Variants in EPB41L3 observed in about 807,000 individuals in gnomAD.
EPB41L3 encodes the protein band 4.1-like protein 3.
Under a neutral mutation model 127.1 loss-of-function variants are expected in EPB41L3, and 57 were observed. The ratio of observed to expected loss-of-function variants is 0.45; its 90% confidence interval spans 0.36 to 0.56. EPB41L3 has a LOEUF of 0.56. EPB41L3 is among the 20% of genes least tolerant of loss of function. EPB41L3 has a pLI of 0.00. For missense variants in EPB41L3, 1,273 were observed against 1,372.2 expected (o/e 0.93, Z 1.14); for synonymous variants, 572 against 549.5 (o/e 1.04, Z -0.57).
intron 9 of EPB41L3, 30 bp from the exon 10 acceptor site, chr18:5,424,389 A>C: frequency 6.6e-7 from 1 of 1,523,418 alleles, no homozygotes. Flanking sequence ...TTGAAGAGTA[A>C]AGTTTAAAAT....
chr18:5,496,029 T>A (rs1311689051), intron 1 of EPB41L3, among the ~76,000 whole-genome samples: 1 of 152,208 alleles, frequency 6.6e-6, no homozygotes, highest in Non-Finnish European at 1.5e-5. Flanking sequence ...AAGGCTTCAT[T>A]AACTATTTGA....
intron 3 of EPB41L3, among the ~76,000 whole-genome samples, chr18:5,566,966 C>G (rs751028606): frequency 6.6e-5 from 10 of 151,952 alleles, no homozygotes; most frequent in African/African-American, 9.7e-5. Context: ...CTACCACTCA[C>G]GGTTAATTTG....
chr18:5,573,537 T>C (rs1193951793), intron 3 of EPB41L3, among the ~76,000 whole-genome samples: 1 of 152,200 alleles, frequency 6.6e-6, no homozygotes, highest in Non-Finnish European at 1.5e-5. Context: ...AGCTAACATT[T>C]ACTCATATAT....
intron 5 of EPB41L3, among the ~76,000 whole-genome samples, chr18:5,440,158 G>C (rs138644181): frequency 6.6e-6 from 1 of 152,250 alleles, no homozygotes; most frequent in African/African-American, 2.4e-5. Flanking sequence ...GTATGGCCTA[G>C]GAATCGATGG....
At chr18:5,460,348 A>G (rs909842403) in intron 3 of EPB41L3, among the ~76,000 whole-genome samples, 7 of 152,090 alleles carry the variant, frequency 4.6e-5, no homozygotes, top group African/African-American at 1.7e-4. Context: ...TACTCCCACC[A>G]TCTAAACTTG....
intron 3 of EPB41L3, among the ~76,000 whole-genome samples, chr18:5,572,244 T>C (rs555196677): frequency 6.6e-6 from 1 of 152,344 alleles, no homozygotes; most frequent in East Asian, 1.9e-4. Context: ...TTCACGTTCA[T>C]GTTTTCCTCT....
At chr18:5,474,299 G>A (rs2086739678) in intron 3 of EPB41L3, among the ~76,000 whole-genome samples, 1 of 152,166 alleles carries the variant, frequency 6.6e-6, no homozygotes, top group Non-Finnish European at 1.5e-5. Context: ...ACTGCTAGAA[G>A]GAAGTTAGAG....
intron 13 of EPB41L3, among the ~76,000 whole-genome samples, chr18:5,415,071 T>C (rs1180089288): frequency 6.6e-6 from 1 of 152,232 alleles, no homozygotes; most frequent in Non-Finnish European, 1.5e-5. Flanking sequence ...GCATTGGCAT[T>C]GCTAGCATGG....
chr18:5,556,238 C>A (rs184459651), intron 3 of EPB41L3, among the ~76,000 whole-genome samples: 57 of 152,280 alleles, frequency 3.7e-4, no homozygotes, highest in African/African-American at 1.3e-3. Context: ...CTGCTAGATA[C>A]AAAGGAAAAA....
chr18:5,581,568 A>G (rs2094393909), intron 3 of EPB41L3, among the ~76,000 whole-genome samples: 1 of 152,232 alleles, frequency 6.6e-6, no homozygotes, highest in South Asian at 2.1e-4. Context: ...CTCAACATAT[A>G]AGAACCAAAT....
upstream of EPB41L3, among the ~76,000 whole-genome samples, chr18:5,546,224 A>AT (rs1422215116): frequency 6.6e-6 from 1 of 152,142 alleles, no homozygotes; most frequent in African/African-American, 2.4e-5. Flanking sequence ...ACAACTAAGT[A>AT]TTTTTTTAAT....
At chr18:5,625,050 G>T (rs945170229) in intron 1 of EPB41L3, among the ~76,000 whole-genome samples, 23 of 152,118 alleles carry the variant, frequency 1.5e-4, no homozygotes, top group African/African-American at 5.6e-4. Flanking sequence ...GAGTTGCCAT[G>T]GGTTTCCTGT....
chr18:5,507,998 G>T (rs1171125924), intron 1 of EPB41L3, among the ~76,000 whole-genome samples: 2 of 152,168 alleles, frequency 1.3e-5, no homozygotes, highest in Non-Finnish European at 2.9e-5. Context: ...CTGAAAATCT[G>T]AGCTTGGGAG....
chr18:5,458,893 T>C (rs1253660262), intron 3 of EPB41L3, among the ~76,000 whole-genome samples: 1 of 152,166 alleles, frequency 6.6e-6, no homozygotes, highest in Non-Finnish European at 1.5e-5. Flanking sequence ...GTCCTATGAG[T>C]GCTTTAAAAT....
At chr18:5,627,065 G>A (rs987982498) in intron 1 of EPB41L3, among the ~76,000 whole-genome samples, 2 of 152,108 alleles carry the variant, frequency 1.3e-5, no homozygotes, top group East Asian at 1.9e-4. Flanking sequence ...GACCTTCCGC[G>A]GACTTCTCAT....
Position 5,395,223 on chromosome 18 carries a change from C to T in EPB41L3, c.3073-76G>A, listed in dbSNP as rs1221072829. The T allele has an allele frequency of 4.3e-5, 52 of 1,207,760 alleles. No homozygotes were observed. In the East Asian group the frequency reaches 9.1e-4, roughly 21 times the overall value. The allele number at this position is 1,207,760 out of a possible 1,614,324, so 74.8% of individuals were successfully genotyped here. A position where few individuals can be genotyped will look rare whatever the true frequency, so the allele number is the denominator to read the frequency against. On this transcript the variant is annotated intron_variant, in intron 20 of 22. Coordinates refer to ENST00000341928, the MANE Select transcript of EPB41L3 (RefSeq NM_012307.5). ...TCATGGTTCAGTAGGGGGAAATGGC[C>T]GAAGATGCTGACATCATTCACTCTT...
intron 15 of EPB41L3, chr18:5,407,258 T>C (rs951933382): frequency 1.7e-5 from 7 of 420,242 alleles, no homozygotes; most frequent in Admixed American, 4.0e-5. Flanking sequence ...TTAAAATAAA[T>C]ATACACACAG....
At chr18:5,561,743 A>G (rs1212238017) in intron 3 of EPB41L3, among the ~76,000 whole-genome samples, 1 of 152,202 alleles carries the variant, frequency 6.6e-6, no homozygotes, top group Non-Finnish European at 1.5e-5. Context: ...GCAAAGGGAA[A>G]CATGTTAACA....
intron 3 of EPB41L3, among the ~76,000 whole-genome samples, chr18:5,457,519 C>T (rs950197616): frequency 3.3e-5 from 5 of 152,162 alleles, no homozygotes; most frequent in African/African-American, 1.2e-4. Context: ...CTTATTTTAA[C>T]TTCTGTTTTT....
Sources: allele counts gnomAD v4.1 joint callset (sites outside exome capture counted in the v4.1 genomes callset), GRCh38; gene constraint gnomAD v4.1.1; transcripts MANE v1.5; gene names NCBI Gene and HGNC (gene_info 2026-07-23, HGNC 2026-07-21).